Variants in MRPS28 observed in about 807,000 individuals in gnomAD.
The protein encoded by MRPS28 is small ribosomal subunit protein bS1m.
In MRPS28, 7 loss-of-function variants were observed where a neutral mutation model predicts 10.8. The observed-to-expected ratio is 0.65, with a 90% CI of 0.37 to 1.22. The LOEUF is 1.22. MRPS28 is among the 50% of genes most tolerant of loss of function. The pLI, the probability that MRPS28 is intolerant of heterozygous loss-of-function variation, is 0.02. For missense variants in MRPS28, 265 were observed against 232.9 expected (o/e 1.14, Z -0.90); for synonymous variants, 121 against 93.3 (o/e 1.30, Z -1.71).
chr8:79,930,517 T>A (rs1355018423), intron 2 of MRPS28, among the ~76,000 whole-genome samples: 1 of 152,214 alleles, frequency 6.6e-6, no homozygotes, highest in Non-Finnish European at 1.5e-5. Flanking sequence ...GGGTCTGAAG[T>A]CTTTGGACAA....
At chr8:79,925,994 AAAG>A (rs1222006737) in intron 2 of MRPS28, among the ~76,000 whole-genome samples, 3 of 151,788 alleles carry the variant, frequency 2.0e-5, no homozygotes, top group Non-Finnish European at 4.4e-5. Context: ...AGAGAAAAGA[AAAG>A]AAAAAAAAAA....
At chr8:79,974,407 G>T (rs776259975) in intron 2 of MRPS28, among the ~76,000 whole-genome samples, 2 of 151,918 alleles carry the variant, frequency 1.3e-5, no homozygotes, top group Non-Finnish European at 2.9e-5. Context: ...AGGCGTGGTG[G>T]TGGGCGCCTG....
rs57397948 is a variant in MRPS28, at chr8:79,944,701, CTT to C, written c.396-25555_396-25554del. On this transcript the variant is annotated intron_variant, in intron 2 of 2. Coordinates refer to ENST00000276585, the MANE Select transcript of MRPS28 (RefSeq NM_014018.3). ...GCCATAATTTTTCTTTTTCTTTTTTCTTTTTTTTTTTTGAGACAAGGTCTCAC... is the reference window on the plus strand; with the variant it reads ...GCCATAATTTTTCTTTTTCTTTTTTCTTTTTTTTTTGAGACAAGGTCTCAC... Among the ~76,000 whole-genome samples, 99 of 137,634 alleles carry C rather than the reference CTT, an allele frequency of 7.2e-4. 2 individuals are homozygous for C. Among genetic ancestry groups the C allele is most frequent in the African/African-American group, 2.2e-3 (80 of 36,806 alleles). The allele number at this position is 137,634 out of a possible 152,430, so 90.3% of individuals were successfully genotyped here.
At chr8:80,009,282 G>C (rs912478209) in intron 1 of MRPS28, among the ~76,000 whole-genome samples, 3 of 152,252 alleles carry the variant, frequency 2.0e-5, no homozygotes, top group Non-Finnish European at 4.4e-5. Flanking sequence ...GCTGTGGGGT[G>C]GGGGCAGAGG....
At chr8:80,027,708 A>G (rs1317104527) in intron 1 of MRPS28, among the ~76,000 whole-genome samples, 1 of 152,234 alleles carries the variant, frequency 6.6e-6, no homozygotes, top group African/African-American at 2.4e-5. Flanking sequence ...TTCAAAGCTA[A>G]GAACTTGCTG....
chr8:80,000,649 A>T (rs2130153639), intron 2 of MRPS28, among the ~76,000 whole-genome samples: 1 of 152,382 alleles, frequency 6.6e-6, no homozygotes, highest in East Asian at 1.9e-4. Context: ...TTAACCATTT[A>T]AAGCTATACT....
At chr8:79,925,873 G>T (rs1399482131) in intron 2 of MRPS28, among the ~76,000 whole-genome samples, 1 of 151,990 alleles carries the variant, frequency 6.6e-6, no homozygotes, top group Non-Finnish European at 1.5e-5. Context: ...TGTGGTCCCA[G>T]TTACTTGGAA....
chr8:79,942,666 C>G (rs1013885761), intron 2 of MRPS28, among the ~76,000 whole-genome samples: 6 of 152,138 alleles, frequency 3.9e-5, no homozygotes, highest in Non-Finnish European at 7.4e-5. Flanking sequence ...TTTTCATTGA[C>G]TTGATCACAG....
At chr8:79,985,837 T>C (rs1269158669) in intron 2 of MRPS28, among the ~76,000 whole-genome samples, 1 of 152,068 alleles carries the variant, frequency 6.6e-6, no homozygotes, top group Non-Finnish European at 1.5e-5. Context: ...AGCCGAATTC[T>C]ACCAGAGGTA....
intron 2 of MRPS28, among the ~76,000 whole-genome samples, chr8:79,990,638 A>T (rs868637429): frequency 6.6e-6 from 1 of 152,222 alleles, no homozygotes. Flanking sequence ...ACACAGCAAA[A>T]AGAAAAAGAA....
intron 2 of MRPS28, among the ~76,000 whole-genome samples, chr8:79,991,908 T>TGC (rs1323293234): frequency 8.4e-6 from 1 of 119,674 alleles, no homozygotes; most frequent in East Asian, 2.4e-4. Flanking sequence ...ACTTCCTCCT[T>TGC]GCTCTCTCTC....
chr8:79,983,742 C>A, intron 2 of MRPS28, among the ~76,000 whole-genome samples: 2 of 152,166 alleles, frequency 1.3e-5, no homozygotes, highest in South Asian at 4.1e-4. Flanking sequence ...TAAAGAGAAA[C>A]GAACAAAGCC....
chr8:80,026,620 C>A, intron 1 of MRPS28, among the ~76,000 whole-genome samples: 1 of 152,202 alleles, frequency 6.6e-6, no homozygotes, highest in South Asian at 2.1e-4. Context: ...GACAAGGTCT[C>A]TGACCTCCTG....
At chr8:79,990,359 C>CT (rs1366584821) in intron 2 of MRPS28, among the ~76,000 whole-genome samples, 95 of 152,228 alleles carry the variant, frequency 6.2e-4, no homozygotes, top group Non-Finnish European at 1.5e-4. Flanking sequence ...GTTCCCATCT[C>CT]TTTCCACTCT....
intron 2 of MRPS28, among the ~76,000 whole-genome samples, chr8:79,963,144 T>C (rs1381589667): frequency 1.3e-5 from 2 of 152,144 alleles, no homozygotes; most frequent in Non-Finnish European, 2.9e-5. Flanking sequence ...ATCTTTACCT[T>C]ACACTACTTA....
intron 1 of MRPS28, among the ~76,000 whole-genome samples, chr8:80,006,982 A>G (rs1808867273): frequency 6.6e-6 from 1 of 152,224 alleles, no homozygotes; most frequent in East Asian, 1.9e-4. Context: ...AGAGAATTTT[A>G]GACCAATATC....
At chr8:80,005,950 A>G (rs1352468980) in intron 1 of MRPS28, among the ~76,000 whole-genome samples, 2 of 152,334 alleles carry the variant, frequency 1.3e-5, no homozygotes, top group African/African-American at 4.8e-5. Context: ...CTAAATATAT[A>G]TGCACCCAAT....
chr8:79,952,068 C>T (rs968695652), intron 2 of MRPS28, among the ~76,000 whole-genome samples: 5 of 152,164 alleles, frequency 3.3e-5, no homozygotes, highest in African/African-American at 1.2e-4. Context: ...CTCATAGAGC[C>T]TATTATCAAC....
intron 2 of MRPS28, chr8:79,957,183 A>G (rs1379015537): frequency 6.6e-6 from 1 of 152,076 alleles, no homozygotes; most frequent in Non-Finnish European, 1.5e-5. Flanking sequence ...TCTTAGACTA[A>G]AAGTCCCATT....
Sources: allele counts gnomAD v4.1 joint callset (sites outside exome capture counted in the v4.1 genomes callset), GRCh38; gene constraint gnomAD v4.1.1; transcripts MANE v1.5; gene names NCBI Gene and HGNC (gene_info 2026-07-23, HGNC 2026-07-21).